SHROOM2: variants seen among roughly 807,000 people sequenced by gnomAD.
SHROOM2 encodes the protein protein Shroom2.
Under a neutral mutation model 75.9 loss-of-function variants are expected in SHROOM2, and 33 were observed. The observed-to-expected ratio is 0.43, with a 90% CI of 0.33 to 0.58. The LOEUF (loss-of-function observed/expected upper bound fraction) is 0.58. Among genes scored for constraint, SHROOM2 ranks in the 20% least tolerant of loss-of-function variants. The pLI, the probability that SHROOM2 is intolerant of heterozygous loss-of-function variation, is 0.04. For synonymous variants in SHROOM2, 655 were observed against 663.6 expected, an observed-to-expected ratio of 0.99 and a Z score of 0.20; for missense variants, 1,434 against 1,461.2, an observed-to-expected ratio of 0.98 and a Z score of 0.30.
chrX:9,827,184 G>T (rs1009467952), intron 1 of SHROOM2, among the ~76,000 whole-genome samples: 3 of 104,537 alleles, frequency 2.9e-5, no homozygotes, highest in Non-Finnish European at 5.9e-5. Context: ...TGGATGGAGG[G>T]TTATGGTCTT....
intron 1 of SHROOM2, among the ~76,000 whole-genome samples, chrX:9,833,287 G>T (rs1263805525): frequency 1.8e-5 from 2 of 111,050 alleles, no homozygotes; most frequent in Non-Finnish European, 3.8e-5. Context: ...TACACTTTTT[G>T]TCCAGTTTTC....
intron 5 of SHROOM2, among the ~76,000 whole-genome samples, chrX:9,924,092 A>G (rs2084571815): frequency 8.9e-6 from 1 of 112,380 alleles, no homozygotes; most frequent in South Asian, 3.7e-4. Flanking sequence ...TACAGGGAGC[A>G]GCTTCAGCAG....
At chrX:9,830,738 A>G (rs746603291) in intron 1 of SHROOM2, among the ~76,000 whole-genome samples, 11 of 107,666 alleles carry the variant, frequency 1.0e-4, no homozygotes, top group Non-Finnish European at 1.7e-4. Flanking sequence ...AGTAGCTGGG[A>G]TTACAGGCAT....
At chrX:9,886,347 C>T (rs2084260814) in intron 2 of SHROOM2, among the ~76,000 whole-genome samples, 1 of 112,444 alleles carries the variant, frequency 8.9e-6, no homozygotes, top group Non-Finnish European at 1.9e-5. Context: ...GCATTTTGAC[C>T]TCAACCCTGT....
At chrX:9,856,759 T>C (rs1018867184) in intron 1 of SHROOM2, among the ~76,000 whole-genome samples, 10 of 111,625 alleles carry the variant, frequency 9.0e-5, no homozygotes, top group African/African-American at 2.9e-4. Context: ...AGCTGCTGCA[T>C]CCCCACGCAT....
chrX:9,868,524 G>A (rs962804201), intron 1 of SHROOM2, among the ~76,000 whole-genome samples: 1 of 109,212 alleles, frequency 9.2e-6, no homozygotes, highest in African/African-American at 3.3e-5. Flanking sequence ...GATTACAAGC[G>A]TGAGCCACCG....
intron 1 of SHROOM2, among the ~76,000 whole-genome samples, chrX:9,834,254 AGTCCCATGCAC>A (rs756521754): frequency 0.01 from 1,165 of 112,050 alleles, 19 homozygotes; most frequent in African/African-American, 0.035. Context: ...GCATGGGTTG[AGTCCCATGCAC>A]CAGGAGAGTG....
chrX:9,850,831 C>CAA (rs757769302), intron 1 of SHROOM2, among the ~76,000 whole-genome samples: 1,013 of 76,230 alleles, frequency 0.013, 23 homozygotes, highest in African/African-American at 0.046. Flanking sequence ...GACTCTGTGT[C>CAA]AAAAAAAAAA....
chrX:9,930,332 A>G (rs1053414323), intron 5 of SHROOM2, among the ~76,000 whole-genome samples: 1 of 110,531 alleles, frequency 9.0e-6, no homozygotes, highest in East Asian at 2.8e-4. Context: ...CCTGGGCAAC[A>G]TGGTGAAACC....
At chrX:9,880,734 GTTGT>G (rs751421904) in intron 2 of SHROOM2, among the ~76,000 whole-genome samples, 13 of 111,471 alleles carry the variant, frequency 1.2e-4, no homozygotes, top group South Asian at 3.8e-4. Flanking sequence ...TTTTGTTGTT[GTTGT>G]TTGTTTGTTT....
At chrX:9,880,111 G>A (rs1020468303) in intron 2 of SHROOM2, among the ~76,000 whole-genome samples, 1 of 111,914 alleles carries the variant, frequency 8.9e-6, no homozygotes, top group Non-Finnish European at 1.9e-5. Flanking sequence ...ACTTGAGGGC[G>A]CAGGGATCTG....
chrX:9,802,660 G>A (rs1194040677), intron 1 of SHROOM2, among the ~76,000 whole-genome samples: 4 of 111,628 alleles, frequency 3.6e-5, no homozygotes, highest in Non-Finnish European at 7.5e-5. Flanking sequence ...TGCTGGTATC[G>A]CGGGCATATT....
At chrX:9,930,520 GAAAAGAAAGAAA>G (rs2084638469) in intron 5 of SHROOM2, among the ~76,000 whole-genome samples, 1 of 96,875 alleles carries the variant, frequency 1.0e-5, no homozygotes, top group African/African-American at 4.2e-5. Context: ...AAAAAAAAAA[GAAAAGAAAGAAA>G]GAAAGAAAGA....
At chrX:9,862,511 C>T (rs1389326237) in intron 1 of SHROOM2, among the ~76,000 whole-genome samples, 7 of 110,614 alleles carry the variant, frequency 6.3e-5, no homozygotes, top group Admixed American at 5.7e-4. Flanking sequence ...GGAAAGCCAC[C>T]GAGGAATTGT....
chrX:9,932,373 G>C lies in SHROOM2; in HGVS notation c.3090G>C (p.Leu1030Phe), dbSNP rs775209149. ...CGGAGGAGAGCACCCCAGCAGACTT[G>C]GGACCCCGAGCCCAGAGCCCTGGCT... ...RYSEESTPAD[L>F]GPRAQSPGSP... The change falls in exon 6 of 10, where the codon TTG (leucine) becomes TTC (phenylalanine). Residue 1030 changes from leucine (L) to phenylalanine (F), a missense_variant. Around this residue, in one of 3 missense-constraint regions of SHROOM2, gnomAD observed 1,340 missense variants for 1,338.3 expected, o/e 1.00. Transcript: ENST00000380913. The C allele has an allele frequency of 2.5e-6, 3 of 1,209,382 alleles. No homozygotes were observed. Among genetic ancestry groups the C allele is most frequent in the Admixed American group, 2.2e-5 (1 of 45,841 alleles).
intron 1 of SHROOM2, among the ~76,000 whole-genome samples, chrX:9,797,958 A>G (rs992009346): frequency 1.8e-5 from 2 of 111,968 alleles, no homozygotes; most frequent in Admixed American, 9.5e-5. Context: ...AACTGCCTTC[A>G]TCAGATTAAT....
intron 1 of SHROOM2, among the ~76,000 whole-genome samples, chrX:9,838,843 G>A (rs944850998): frequency 6.3e-5 from 7 of 111,528 alleles, no homozygotes; most frequent in Non-Finnish European, 1.1e-4. Context: ...CAGCTTTTAC[G>A]CCACATACTG....
intron 9 of SHROOM2, 114 bp from the exon 10 acceptor site, chrX:9,946,556 AG>A: frequency 3.0e-6 from 2 of 660,704 alleles, no homozygotes; most frequent in South Asian, 5.7e-5. Flanking sequence ...TGGTGGCATC[AG>A]GGTTTCCATC....
At chrX:9,793,944 C>T (rs929088047) in intron 1 of SHROOM2, among the ~76,000 whole-genome samples, 1 of 110,770 alleles carries the variant, frequency 9.0e-6, no homozygotes, top group Non-Finnish European at 1.9e-5. Context: ...GGGGTTTCAC[C>T]GTATTGCTTG....
Sources: gnomAD v4.1 joint callset for allele counts (sites outside exome capture counted in the v4.1 genomes callset) on GRCh38, gnomAD v4.1.1 for gene constraint, gnomAD v4.1.1 regional missense constraint, MANE v1.5 for transcripts, NCBI Gene and HGNC (gene_info 2026-07-23, HGNC 2026-07-21) for gene names.